TOMM7: variants seen among roughly 807,000 people sequenced by gnomAD.
TOMM7 encodes the protein mitochondrial import receptor subunit TOM7 homolog.
In TOMM7, 8 loss-of-function variants were observed where a neutral mutation model predicts 9.5. The observed-to-expected ratio is 0.84, with a 90% CI of 0.49 to 1.51. TOMM7 has a LOEUF of 1.51. Ranked by LOEUF, TOMM7 falls within the 40% of genes most tolerant of loss-of-function variation. The pLI, the probability that TOMM7 is intolerant of heterozygous loss-of-function variation, is 0.00. For missense variants in TOMM7, 74 were observed against 63.7 expected (o/e 1.16, Z -0.55); for synonymous variants, 27 against 21.4 (o/e 1.26, Z -0.72).
chr7:22,817,989 A>G lies in TOMM7; in HGVS notation c.152+11T>C, dbSNP rs1285309534. Reference sequence around the variant, plus strand: ...CATTTGTCCTGAAATGTTTAGTTTTAAGAGCAGTACCTCAAAACAGTTGGT... The same window carrying G: ...CATTTGTCCTGAAATGTTTAGTTTTGAGAGCAGTACCTCAAAACAGTTGGT... On this transcript the variant is annotated intron_variant, in intron 2 of 2. Transcript: ENST00000358435. The G allele has an allele frequency of 6.2e-7, 1 of 1,612,974 alleles. No individual in the cohort carries two copies. Among genetic ancestry groups the G allele is most frequent in the Non-Finnish European group, 8.5e-7 (1 of 1,179,080 alleles).
chr7:22,813,481 G>C (rs1244147786), intron 2 of TOMM7, among the ~76,000 whole-genome samples: 1 of 152,086 alleles, frequency 6.6e-6, no homozygotes, highest in Non-Finnish European at 1.5e-5. Flanking sequence ...TAACAGGTAG[G>C]CCTGATAAAC....
Position 22,813,019 on chromosome 7 carries a change from A to G in TOMM7, c.*151T>C, listed in dbSNP as rs1052694443. 3.1e-5 allele frequency: 23 copies of G among 743,904 alleles called. No individual in the cohort carries two copies. The highest frequency in any genetic ancestry group is 5.5e-5 in the Non-Finnish European group (23 of 418,298). 46.1% of individuals were successfully genotyped at this position (743,904 alleles called of 1,614,324 possible). A position where few individuals can be genotyped will look rare whatever the true frequency, so the allele number is the denominator to read the frequency against. On this transcript the variant is annotated 3_prime_UTR_variant, in exon 3 of 3. Transcript: ENST00000358435. ...CTGATACATTCTATCATAAGTTAGT[A>G]CAAGTTCCACTCTGCTACAGATGCG...
At chr7:22,817,904 A>G in intron 2 of TOMM7, 96 bp downstream of exon 2, 1 of 1,233,300 alleles carries the variant, frequency 8.1e-7, no homozygotes, top group Non-Finnish European at 1.2e-6. Flanking sequence ...ATAAAGCTCC[A>G]TTTCAAGGCC....
intron 2 of TOMM7, among the ~76,000 whole-genome samples, chr7:22,815,632 TTA>T (rs1287636072): frequency 2.0e-5 from 3 of 152,152 alleles, no homozygotes; most frequent in African/African-American, 7.2e-5. Context: ...CTTTAGGTGC[TTA>T]TGAGACAAAA....
intron 2 of TOMM7, among the ~76,000 whole-genome samples, chr7:22,814,475 C>T (rs931852971): frequency 6.6e-6 from 1 of 150,554 alleles, no homozygotes; most frequent in Non-Finnish European, 1.5e-5. Flanking sequence ...GCCATGACTG[C>T]GCCACTGCAC....
Position 22,813,078 on chromosome 7 carries a change from CTGAA to C in TOMM7, c.*88_*91del, listed in dbSNP as rs777088136. On this transcript the variant is annotated 3_prime_UTR_variant, in exon 3 of 3. Transcript: ENST00000358435. The stretch of plus-strand genomic sequence containing the variant: ...GAGCCTTGTGCCATCCAACTAGTGA[CTGAA>C]TGATGTCCCATCTCTTATCCGAGCC... The C allele has an allele frequency of 3.4e-5, 46 of 1,356,342 alleles. No homozygotes were observed. Among genetic ancestry groups the C allele is most frequent in the Non-Finnish European group, 4.8e-5 (45 of 946,582 alleles). The allele number at this position is 1,356,342 out of a possible 1,614,324, so 84.0% of individuals were successfully genotyped here. A position where few individuals can be genotyped will look rare whatever the true frequency, so the allele number is the denominator to read the frequency against.
intron 2 of TOMM7, among the ~76,000 whole-genome samples, chr7:22,814,466 C>G (rs951083605): frequency 6.6e-6 from 1 of 151,908 alleles, no homozygotes; most frequent in South Asian, 2.1e-4. Context: ...CTGCAGTGAG[C>G]CATGACTGCG....
At chr7:22,814,844 A>G (rs927933685) in intron 2 of TOMM7, among the ~76,000 whole-genome samples, 1 of 152,250 alleles carries the variant, frequency 6.6e-6, no homozygotes, top group African/African-American at 2.4e-5. Flanking sequence ...TATTATTTAC[A>G]TAAGTATTAT....
intron 1 of TOMM7, chr7:22,822,458 G>A: frequency 1.4e-6 from 1 of 727,930 alleles, no homozygotes; most frequent in Non-Finnish European, 2.2e-6. Flanking sequence ...AAATAGAAAA[G>A]GAGGGATTGC....
At position 22,813,131 on chromosome 7, in the gene TOMM7, C is replaced by T. The variant is rs764059947; in HGVS notation, c.*39G>A. 1 of 1,612,138 alleles carries T rather than the reference C, an allele frequency of 6.2e-7. No homozygotes were observed. The highest frequency in any genetic ancestry group is 8.5e-7 in the Non-Finnish European group (1 of 1,178,260). On this transcript the variant is annotated 3_prime_UTR_variant, in exon 3 of 3. Transcript: ENST00000358435. ...CCAGAGCACACATCTTCCATGCTGT[C>T]CGCTGATTGCCTCCAAATCCAGAAG...
chr7:22,820,359 A>G (rs1019437786), intron 1 of TOMM7, among the ~76,000 whole-genome samples: 1 of 152,260 alleles, frequency 6.6e-6, no homozygotes, highest in Non-Finnish European at 1.5e-5. Flanking sequence ...ATAAAATGAA[A>G]GATAAACTCT....
At chr7:22,814,987 C>T (rs1260393883) in intron 2 of TOMM7, among the ~76,000 whole-genome samples, 1 of 152,172 alleles carries the variant, frequency 6.6e-6, no homozygotes, top group Non-Finnish European at 1.5e-5. Flanking sequence ...TCTCTCTAGT[C>T]ACTCTTCCCA....
chr7:22,821,242 T>C (rs1037649124), intron 1 of TOMM7, among the ~76,000 whole-genome samples: 2 of 151,252 alleles, frequency 1.3e-5, no homozygotes, highest in Non-Finnish European at 2.9e-5. Context: ...AAACCCCGTT[T>C]CTAGTAAAAA....
intron 2 of TOMM7, among the ~76,000 whole-genome samples, chr7:22,816,566 G>T (rs546383796): frequency 7.2e-5 from 11 of 152,336 alleles, no homozygotes; most frequent in African/African-American, 2.2e-4. Context: ...AAGAGAGGGA[G>T]GTGAAGAAGG....
intron 1 of TOMM7, chr7:22,822,347 C>T (rs967833751): frequency 2.6e-5 from 38 of 1,438,720 alleles, no homozygotes; most frequent in Non-Finnish European, 3.4e-5. Context: ...CCCCGAGAAC[C>T]ACCTAGTGCT....
chr7:22,820,960 A>C lies in TOMM7; in HGVS notation c.103+1717T>G, dbSNP rs117610419. On this transcript the variant is annotated intron_variant, in intron 1 of 2. Coordinates refer to ENST00000358435, the MANE Select transcript of TOMM7 (RefSeq NM_019059.5). ...ATCTTATACAATGCATGACACCTAA[A>C]TTAAATAGGAAGCAGCACCTTGTTA... Among the ~76,000 whole-genome samples the C allele has an allele frequency of 4.7e-4, 72 of 152,214 alleles. No homozygotes were observed. In the East Asian group the frequency reaches 0.011, roughly 22 times the overall value.
At chr7:22,817,685 C>A in intron 2 of TOMM7, 2 of 232,722 alleles carry the variant, frequency 8.6e-6, no homozygotes, top group South Asian at 8.0e-5. Flanking sequence ...CTTGTCAGAG[C>A]GATATAAAAG....
intron 1 of TOMM7, among the ~76,000 whole-genome samples, chr7:22,821,190 T>C (rs554265662): frequency 2.7e-5 from 4 of 148,884 alleles, no homozygotes; most frequent in Non-Finnish European, 4.5e-5. Context: ...GGCGGGCGGA[T>C]CACGAGGTCA....
intron 1 of TOMM7, among the ~76,000 whole-genome samples, chr7:22,818,661 G>A (rs1782347706): frequency 6.6e-6 from 1 of 152,158 alleles, no homozygotes; most frequent in African/African-American, 2.4e-5. Context: ...GTTGCCCTTA[G>A]CATGTTCTAT....
Sources: allele counts gnomAD v4.1 joint callset (sites outside exome capture counted in the v4.1 genomes callset), GRCh38; gene constraint gnomAD v4.1.1; transcripts MANE v1.5; gene names NCBI Gene and HGNC (gene_info 2026-07-23, HGNC 2026-07-21).